FBXO34: variants seen among roughly 807,000 people sequenced by gnomAD.
The protein encoded by FBXO34 is F-box only protein 34.
A neutral mutation model predicts 24.5 loss-of-function variants in FBXO34; 12 were observed. That is an observed-to-expected ratio of 0.49 (90% confidence interval 0.31 to 0.79). The LOEUF is 0.79. Among genes scored for constraint, FBXO34 ranks in the 30% least tolerant of loss-of-function variants. The probability of loss-of-function intolerance (pLI) is 0.04; values close to 1 mark genes in which losing one functional copy is unlikely to be tolerated. For missense variants in FBXO34, 823 were observed against 857.7 expected (o/e 0.96, Z 0.51); for synonymous variants, 320 against 311.9 (o/e 1.03, Z -0.27).
At chr14:55,408,145 A>T in the FBXO34 span, among the ~76,000 whole-genome samples, 3 of 152,178 alleles carry the variant, frequency 2.0e-5, no homozygotes, top group Non-Finnish European at 4.4e-5. Flanking sequence ...AAATGAAATA[A>T]ACATGAAGTT....
intron 1 of FBXO34, among the ~76,000 whole-genome samples, chr14:55,333,027 G>T (rs1001431439): frequency 6.6e-6 from 1 of 152,160 alleles, no homozygotes; most frequent in African/African-American, 2.4e-5. Flanking sequence ...TCCAGCTCAG[G>T]TGCTGTTATG....
Position 55,302,367 on chromosome 14 carries a change from A to C in FBXO34, c.-11+30830A>C, listed in dbSNP as rs116644521. Among the ~76,000 whole-genome samples the C allele has an allele frequency of 5.4e-3, 818 of 152,268 alleles. 8 individuals are homozygous for C. The highest frequency in any genetic ancestry group is 0.019 in the African/African-American group (779 of 41,548). ...TAGTTTACCTCGCCTGGTTGTGTACAAAGTTTGTATGATGTTAGACAGTTA... is the reference window on the plus strand; with the variant it reads ...TAGTTTACCTCGCCTGGTTGTGTACCAAGTTTGTATGATGTTAGACAGTTA... On this transcript the variant is annotated intron_variant, in intron 1 of 1. Transcript: ENST00000313833.
the FBXO34 span, among the ~76,000 whole-genome samples, chr14:55,404,471 CA>C: frequency 6.6e-6 from 1 of 152,234 alleles, no homozygotes; most frequent in Non-Finnish European, 1.5e-5. Context: ...CCTTCCCTAG[CA>C]ACAGGAAGTG....
At chr14:55,292,065 CAT>C (rs1387267450) in intron 1 of FBXO34, among the ~76,000 whole-genome samples, 2 of 152,116 alleles carry the variant, frequency 1.3e-5, no homozygotes, top group East Asian at 1.9e-4. Flanking sequence ...CATTCAGAAA[CAT>C]ATTTTTAACT....
the FBXO34 span, among the ~76,000 whole-genome samples, chr14:55,402,677 T>C: frequency 5.9e-5 from 9 of 151,618 alleles, no homozygotes; most frequent in African/African-American, 1.9e-4. Flanking sequence ...TCAGGATTTT[T>C]TAACTTTATG....
downstream of FBXO34, among the ~76,000 whole-genome samples, chr14:55,372,564 TCCC>T (rs113885288): frequency 0.025 from 3,810 of 151,306 alleles, 111 homozygotes; most frequent in African/African-American, 0.066. Context: ...TCTCCCTCCC[TCCC>T]TTCTTTCCAT....
At chr14:55,323,214 A>ATATATATATAT (rs1236501244) in intron 1 of FBXO34, among the ~76,000 whole-genome samples, 17 of 38,846 alleles carry the variant, frequency 4.4e-4, no homozygotes, top group Non-Finnish European at 4.6e-4. Context: ...AAAAAAAAAA[A>ATATATATATAT]AAAAATATAT....
At chr14:55,395,899 A>T in the FBXO34 span, 1 of 1,423,370 alleles carries the variant, frequency 7.0e-7, no homozygotes, top group Non-Finnish European at 9.4e-7. Context: ...CAACTTAAAA[A>T]CATGTAGCCT....
At chr14:55,429,338 G>A in the FBXO34 span, among the ~76,000 whole-genome samples, 3 of 152,222 alleles carry the variant, frequency 2.0e-5, no homozygotes, top group African/African-American at 4.8e-5. Context: ...AAAGTCCCAG[G>A]TTCCACCTCA....
chr14:55,359,480 A>G (rs1002805960), intron 3 of FBXO34, among the ~76,000 whole-genome samples: 7 of 152,246 alleles, frequency 4.6e-5, no homozygotes, highest in Non-Finnish European at 1.0e-4. Flanking sequence ...TCTAAAAAAC[A>G]ATGTACATTA....
chr14:55,279,223 C>T (rs1308895255), intron 1 of FBXO34, among the ~76,000 whole-genome samples: 1 of 150,284 alleles, frequency 6.7e-6, no homozygotes, highest in Non-Finnish European at 1.5e-5. Context: ...GAGACGGAGG[C>T]TGCAGTGAGC....
chr14:55,338,048 C>CT (rs58194693), intron 1 of FBXO34, among the ~76,000 whole-genome samples: 1,025 of 88,232 alleles, frequency 0.012, 116 homozygotes, highest in African/African-American at 0.031. Context: ...GTATGTACTT[C>CT]TTTTTTTTTT....
rs141795853 is a variant in FBXO34 at position 55,359,523 on chromosome 14, A to G, written c.*589-2210A>G. 9.3e-4 allele frequency among the ~76,000 whole-genome samples: 141 copies of G among 152,338 alleles called. No homozygotes were observed. In the East Asian group the frequency reaches 0.013, roughly 14 times the overall value. ...CTTTATTGCTTAAAACATGCTAACAATCAGCTGTGAGTCATAATCTTTGCT... is the reference window on the plus strand; with the variant it reads ...CTTTATTGCTTAAAACATGCTAACAGTCAGCTGTGAGTCATAATCTTTGCT... On this transcript the variant is annotated intron_variant and NMD_transcript_variant, in intron 3 of 3. Coordinates refer to the FBXO34 transcript ENST00000555280.
intron 1 of FBXO34, among the ~76,000 whole-genome samples, chr14:55,276,830 C>G (rs935552965): frequency 6.6e-6 from 1 of 152,146 alleles, no homozygotes; most frequent in Non-Finnish European, 1.5e-5. Flanking sequence ...CCCACAGTAT[C>G]TTATCAGTTA....
At position 55,350,785 on chromosome 14, in the gene FBXO34, T is replaced by C; in HGVS notation, c.395T>C (p.Ile132Thr). 1 of 1,606,664 alleles carries C rather than the reference T, an allele frequency of 6.2e-7. No homozygotes were observed. The highest frequency in any genetic ancestry group is 8.5e-7 in the Non-Finnish European group (1 of 1,177,790). ...FFASHQCSNR[I>T]GSMKIKSSWD... ...GCATCCCACCAGTGTAGTAACAGGA[T>C]AGGATCTATGAAAATAAAAAGTTCC... Residue 132 changes from isoleucine (I) to threonine (T), a missense_variant, in exon 2 of 2, where the codon ATA becomes ACA. Physicochemically the swap from Ile to Thr is moderately conservative, Grantham distance 89. Around this residue, in one of 2 missense-constraint regions of FBXO34, gnomAD observed 693 missense variants for 659.1 expected, o/e 1.05. Coordinates refer to ENST00000313833, the MANE Select transcript of FBXO34 (RefSeq NM_017943.4).
At chr14:55,410,681 A>T in the FBXO34 span, among the ~76,000 whole-genome samples, 1 of 152,232 alleles carries the variant, frequency 6.6e-6, no homozygotes, top group African/African-American at 2.4e-5. Context: ...TCTTGTACCA[A>T]CACTTAACTA....
chr14:55,425,884 T>C, the FBXO34 span, among the ~76,000 whole-genome samples: 1 of 152,232 alleles, frequency 6.6e-6, no homozygotes, highest in Non-Finnish European at 1.5e-5. Flanking sequence ...CTATATTGCT[T>C]GCCATTATCA....
In FBXO34 at chr14:55,299,165, C is replaced by G. The variant is rs146670319; in HGVS notation, c.-11+27628C>G. ...AGAATTTGCTGGAAGTCAGTGGCCC[C>G]GAAACAGTCCCTCTACCAAATGTTC... is the stretch of plus-strand genomic sequence containing the variant. On this transcript the variant is annotated intron_variant, in intron 1 of 1. Transcript: ENST00000313833. The G allele has an allele frequency of 1.6e-3, 1,735 of 1,064,398 alleles. 19 individuals carry two copies. In the African/African-American group the frequency reaches 0.022, roughly 13 times the overall value. The allele number at this position is 1,064,398 out of a possible 1,614,324, so 65.9% of individuals were successfully genotyped here.
chr14:55,317,142 A>G (rs1882959183), intron 1 of FBXO34, among the ~76,000 whole-genome samples: 1 of 152,110 alleles, frequency 6.6e-6, no homozygotes, highest in Non-Finnish European at 1.5e-5. Flanking sequence ...TTACTGTGTC[A>G]GCCTTTTGGG....
Sources: gnomAD v4.1 joint callset for allele counts (sites outside exome capture counted in the v4.1 genomes callset) on GRCh38, gnomAD v4.1.1 for gene constraint, gnomAD v4.1.1 regional missense constraint, MANE v1.5 for transcripts, NCBI Gene and HGNC (gene_info 2026-07-23, HGNC 2026-07-21) for gene names.